AP1G1: variants seen among roughly 807,000 people sequenced by gnomAD.
The protein encoded by AP1G1 is adaptor related protein complex 1 subunit gamma 1, also known as AP-1 complex subunit gamma-1.
In AP1G1, 7 loss-of-function variants were observed where a neutral mutation model predicts 108.3. The observed-to-expected ratio is 0.06, with a 90% CI of 0.04 to 0.12. The LOEUF (loss-of-function observed/expected upper bound fraction) is 0.12, where lower values mean the gene tolerates loss of function less well. Ranked by LOEUF, AP1G1 falls within the 10% of genes least tolerant of loss-of-function variation. The probability of loss-of-function intolerance (pLI) is 1.00; values close to 1 mark genes in which losing one functional copy is unlikely to be tolerated. For synonymous variants in AP1G1, 379 were observed against 353.5 expected, an observed-to-expected ratio of 1.07 and a Z score of -0.81; for missense variants, 756 against 1,010.7, an observed-to-expected ratio of 0.75 and a Z score of 3.42.
intron 1 of AP1G1, among the ~76,000 whole-genome samples, chr16:71,797,432 G>A (rs915998695): frequency 1.3e-5 from 2 of 152,058 alleles, no homozygotes; most frequent in Non-Finnish European, 2.9e-5. Context: ...TTCAAACCTA[G>A]TAAGGTGTCA....
intron 17 of AP1G1, among the ~76,000 whole-genome samples, chr16:71,746,123 C>T (rs577355419): frequency 6.6e-6 from 1 of 152,284 alleles, no homozygotes; most frequent in Non-Finnish European, 1.5e-5. Context: ...GATTCTCCTG[C>T]TTCAGCCTCT....
At chr16:71,792,145 C>T (rs534189074) in intron 1 of AP1G1, among the ~76,000 whole-genome samples, 2 of 152,126 alleles carry the variant, frequency 1.3e-5, no homozygotes, top group South Asian at 2.1e-4. Flanking sequence ...AAACTAGAGA[C>T]GTGAACTATG....
rs776096156 is a variant in AP1G1 at position 71,764,254 on chromosome 16, G to C, written c.918+96C>G. On this transcript the variant is annotated intron_variant, in intron 9 of 22. Transcript: ENST00000299980. ...TTGCATCATTCTTTCTTAAAGTCGAGTTCCAAATGGAATACAATTCTGAAG... is the reference window on the plus strand; with the variant it reads ...TTGCATCATTCTTTCTTAAAGTCGACTTCCAAATGGAATACAATTCTGAAG... 17 of 668,656 alleles carry C rather than the reference G, an allele frequency of 2.5e-5. No individual in the cohort carries two copies. In the South Asian group the frequency reaches 4.1e-4, roughly 16 times the overall value. The allele number at this position is 668,656 out of a possible 1,614,324, so 41.4% of individuals were successfully genotyped here.
At chr16:71,776,404 T>C (rs1470412227) in intron 2 of AP1G1, among the ~76,000 whole-genome samples, 2 of 152,244 alleles carry the variant, frequency 1.3e-5, no homozygotes, top group African/African-American at 4.8e-5. Context: ...CCCTTTCTTC[T>C]TCACATTGAA....
chr16:71,744,219 G>A (rs1201887190), intron 19 of AP1G1, among the ~76,000 whole-genome samples: 1 of 152,228 alleles, frequency 6.6e-6, no homozygotes, highest in Non-Finnish European at 1.5e-5. Flanking sequence ...ACTCCAGCCT[G>A]TGCAACAGAG....
At chr16:71,788,292 A>G (rs2032280814) in intron 2 of AP1G1, among the ~76,000 whole-genome samples, 1 of 152,216 alleles carries the variant, frequency 6.6e-6, no homozygotes. Context: ...AGCATATAAT[A>G]CAATTCTTAA....
chr16:71,757,900 G>A (rs2030881813), intron 11 of AP1G1, among the ~76,000 whole-genome samples: 1 of 152,132 alleles, frequency 6.6e-6, no homozygotes, highest in African/African-American at 2.4e-5. Flanking sequence ...GATCCCCATG[G>A]GACTGAATTG....
chr16:71,804,606 T>C (rs1597096167), intron 1 of AP1G1, among the ~76,000 whole-genome samples: 1 of 150,450 alleles, frequency 6.6e-6, no homozygotes, highest in Non-Finnish European at 1.5e-5. Flanking sequence ...CGGGATTTCA[T>C]CATGTTGACC....
intron 1 of AP1G1, among the ~76,000 whole-genome samples, chr16:71,802,470 C>T (rs1046792429): frequency 6.6e-6 from 1 of 152,146 alleles, no homozygotes; most frequent in Non-Finnish European, 1.5e-5. Context: ...TAGCTCATGC[C>T]TGTAATCCCG....
intron 6 of AP1G1, among the ~76,000 whole-genome samples, chr16:71,768,609 T>C (rs2031422111): frequency 6.7e-6 from 1 of 149,538 alleles, no homozygotes; most frequent in Admixed American, 6.7e-5. Flanking sequence ...AAATTTTTAG[T>C]TTTAACCTTA....
At chr16:71,780,088 G>T (rs1308299735) in intron 2 of AP1G1, among the ~76,000 whole-genome samples, 1 of 150,706 alleles carries the variant, frequency 6.6e-6, no homozygotes, top group African/African-American at 2.4e-5. Flanking sequence ...CTGCCTCCTG[G>T]GTTCAAGCAA....
At chr16:71,744,602 CT>C (rs1283473032) in intron 19 of AP1G1, among the ~76,000 whole-genome samples, 3 of 116,212 alleles carry the variant, frequency 2.6e-5, no homozygotes, top group African/African-American at 1.0e-4. Context: ...GAGACAGAGT[CT>C]TGCTCTGTCA....
In AP1G1 at chr16:71,756,224, G is replaced by T. The variant is rs1597050649; in HGVS notation, c.1089-65C>A. On this transcript the variant is annotated intron_variant, in intron 11 of 22. Transcript: ENST00000299980. Reference sequence around the variant, plus strand: ...TAGTGGAAATGAAACAAAGACCCAGGTATGCACTCTGTGAACACCAAGTAC... The same window carrying T: ...TAGTGGAAATGAAACAAAGACCCAGTTATGCACTCTGTGAACACCAAGTAC... 10 of 1,485,910 alleles carry T rather than the reference G, an allele frequency of 6.7e-6. No individual in the cohort carries two copies. In the East Asian group the frequency reaches 2.3e-4, roughly 34 times the overall value. 92.0% of individuals were successfully genotyped at this position (1,485,910 alleles called of 1,614,324 possible). A position where few individuals can be genotyped will look rare whatever the true frequency, so the allele number is the denominator to read the frequency against.
chr16:71,786,611 C>A (rs1012751414), intron 2 of AP1G1, among the ~76,000 whole-genome samples: 1 of 152,132 alleles, frequency 6.6e-6, no homozygotes, highest in African/African-American at 2.4e-5. Context: ...CAGGCACGCA[C>A]CACCATGCCC....
At chr16:71,735,037 C>T (rs1189926448) in intron 21 of AP1G1, among the ~76,000 whole-genome samples, 1 of 152,136 alleles carries the variant, frequency 6.6e-6, no homozygotes, top group Non-Finnish European at 1.5e-5. Context: ...GGTAACTGAT[C>T]AACTATGCAA....
intron 3 of AP1G1, among the ~76,000 whole-genome samples, chr16:71,773,708 C>T (rs200595412): frequency 1.9e-4 from 29 of 152,102 alleles, no homozygotes; most frequent in East Asian, 1.2e-3. Flanking sequence ...TTTCAGAGGC[C>T]GAGGCAAGTG....
At chr16:71,752,378 G>T (rs532650497) in intron 13 of AP1G1, among the ~76,000 whole-genome samples, 1 of 152,092 alleles carries the variant, frequency 6.6e-6, no homozygotes, top group African/African-American at 2.4e-5. Flanking sequence ...TTAATTCATT[G>T]TAAGTAAACT....
intron 2 of AP1G1, among the ~76,000 whole-genome samples, chr16:71,786,312 ACT>A (rs1353387920): frequency 6.6e-6 from 1 of 151,562 alleles, no homozygotes; most frequent in Non-Finnish European, 1.5e-5. Flanking sequence ...TCTTAAATCT[ACT>A]CTGATTCCAA....
At chr16:71,764,043 A>T (rs973235284) in intron 9 of AP1G1, among the ~76,000 whole-genome samples, 6 of 152,202 alleles carry the variant, frequency 3.9e-5, no homozygotes, top group African/African-American at 1.4e-4. Flanking sequence ...AAAAATAATG[A>T]CTTTACAGTG....
Sources: allele counts gnomAD v4.1 joint callset (sites outside exome capture counted in the v4.1 genomes callset), GRCh38; gene constraint gnomAD v4.1.1; transcripts MANE v1.5; gene names NCBI Gene and HGNC (gene_info 2026-07-23, HGNC 2026-07-21).